IPO7: variants seen among roughly 807,000 people sequenced by gnomAD.
IPO7 encodes the protein importin 7.
In IPO7, 13 loss-of-function variants were observed where a neutral mutation model predicts 136.4. The ratio of observed to expected loss-of-function variants is 0.10; its 90% confidence interval spans 0.06 to 0.15. The LOEUF (loss-of-function observed/expected upper bound fraction) is 0.15, where lower values mean the gene tolerates loss of function less well. Among genes scored for constraint, IPO7 ranks in the 10% least tolerant of loss-of-function variants. The pLI, the probability that IPO7 is intolerant of heterozygous loss-of-function variation, is 1.00. For missense variants in IPO7, 857 were observed against 1,240.6 expected (o/e 0.69, Z 4.65); for synonymous variants, 403 against 404.4 (o/e 1.00, Z 0.04).
In IPO7 at chr11:9,409,929, G is replaced by T. The variant is rs757664836; in HGVS notation, c.322G>T (p.Val108Leu). The T allele has an allele frequency of 1.7e-5, 26 of 1,539,440 alleles. No homozygotes were observed. The highest frequency in any genetic ancestry group is 2.2e-5 in the Non-Finnish European group (25 of 1,147,002). ...AIIHSPELIR[V>L]QLTTCIHHII... ...TTACTGTTTTTTTTTGGCTTCCAGG[G>T]TACAGCTTACTACATGCATTCATCA... Residue 108 changes from valine (V) to leucine (L), a missense_variant and splice_region_variant, in exon 4 of 25, where the codon GTA (valine) becomes TTA (leucine). Physicochemically the swap from Val to Leu is conservative, Grantham distance 32 (BLOSUM62 1). Coordinates refer to ENST00000379719, the MANE Select transcript of IPO7 (RefSeq NM_006391.3).
chr11:9,434,912 C>T (rs1192540226), intron 18 of IPO7, 22 bp from the exon 19 acceptor site: 2 of 1,430,666 alleles, frequency 1.4e-6, no homozygotes, highest in Non-Finnish European at 2.0e-6. Flanking sequence ...AGATGTGTAA[C>T]CGATGTTTTT....
intron 16 of IPO7, among the ~76,000 whole-genome samples, chr11:9,431,801 CCT>C (rs1369796953): frequency 2.6e-5 from 4 of 151,974 alleles, no homozygotes; most frequent in Admixed American, 2.6e-4. Flanking sequence ...TGGTGAAACC[CCT>C]GTCTCTACTA....
At chr11:9,419,004 T>C (rs1385318102) in intron 6 of IPO7, among the ~76,000 whole-genome samples, 3 of 152,252 alleles carry the variant, frequency 2.0e-5, no homozygotes, top group Non-Finnish European at 2.9e-5. Context: ...TTATGTATGT[T>C]GATGGACATC....
rs554044314 is a variant in IPO7 at position 9,406,603 on chromosome 11, G to T, written c.167-1883G>T. Among the ~76,000 whole-genome samples, 8 of 152,226 alleles carry T rather than the reference G, an allele frequency of 5.3e-5. No individual in the cohort carries two copies. The South Asian group carries it at 1.7e-3, about 32-fold the overall frequency. ...TATATACTTGGGGCTGGCCACGGTG[G>T]CTCACACCTGTAATCCCAGCACTTT... On this transcript the variant is annotated intron_variant, in intron 2 of 24. Transcript: ENST00000379719.
chr11:9,421,976 G>C (rs1479207340), intron 8 of IPO7, among the ~76,000 whole-genome samples: 1 of 147,820 alleles, frequency 6.8e-6, no homozygotes, highest in African/African-American at 2.5e-5. Flanking sequence ...TAAGAATATG[G>C]CTGTAAAGAA....
chr11:9,429,651 GT>G, intron 14 of IPO7, 22 bp from the exon 15 acceptor site: 1 of 1,588,668 alleles, frequency 6.3e-7, no homozygotes, highest in Non-Finnish European at 8.5e-7. Context: ...TTTTACGCAA[GT>G]TTTTTACTCT....
rs756337181 is a variant in IPO7, at chr11:9,434,941, G to A, written c.2082G>A (p.Met694Ile). 1 of 1,572,890 alleles carries A rather than the reference G, an allele frequency of 6.4e-7. No homozygotes were observed. Among genetic ancestry groups the A allele is most frequent in the Non-Finnish European group, 8.7e-7 (1 of 1,143,590 alleles). ...TGTTTTTTATTAATACAGATATGAT[G>A]CCCCTCCTTCATAATTATGTAACAG... ...QDGFDYFTDM[M>I]PLLHNYVTVD... The change falls in exon 19 of 25, where the codon ATG becomes ATA. Residue 694 changes from methionine (M) to isoleucine (I), a missense_variant. This residue lies in a region of IPO7 where 190 missense variants were observed against 249.0 expected (regional missense o/e 0.76). Coordinates refer to ENST00000379719, the MANE Select transcript of IPO7 (RefSeq NM_006391.3).
Position 9,384,859 on chromosome 11 carries a change from C to G in IPO7, c.84+12C>G, listed in dbSNP as rs761181802. The stretch of plus-strand genomic sequence containing the variant: ...GCCAGCTCAATGAAGTAAGGACGCC[C>G]GGCTAGCGGTGGCGGCGGGCAGGCG... On this transcript the variant is annotated intron_variant, in intron 1 of 24. Coordinates refer to ENST00000379719, the MANE Select transcript of IPO7 (RefSeq NM_006391.3). 6.9e-6 allele frequency: 11 copies of G among 1,584,744 alleles called. No individual in the cohort carries two copies. Among genetic ancestry groups the G allele is most frequent in the African/African-American group, 4.1e-5 (3 of 73,864 alleles).
intron 1 of IPO7, among the ~76,000 whole-genome samples, chr11:9,400,205 C>T (rs1854773219): frequency 6.6e-6 from 1 of 151,996 alleles, no homozygotes; most frequent in African/African-American, 2.4e-5. Context: ...AAATTTTTTT[C>T]CCCCAAACAT....
intron 6 of IPO7, among the ~76,000 whole-genome samples, chr11:9,420,015 A>G (rs1335137000): frequency 2.0e-5 from 3 of 152,150 alleles, no homozygotes; most frequent in Non-Finnish European, 2.9e-5. Flanking sequence ...TCCAAGTCTA[A>G]CCTTCTACTA....
At chr11:9,412,090 A>G (rs1043015119) in intron 4 of IPO7, among the ~76,000 whole-genome samples, 2 of 152,224 alleles carry the variant, frequency 1.3e-5, no homozygotes, top group Non-Finnish European at 2.9e-5. Context: ...TGTCAACTCA[A>G]AGGTATAGAT....
At chr11:9,415,643 C>T (rs917496142) in intron 5 of IPO7, among the ~76,000 whole-genome samples, 1 of 152,084 alleles carries the variant, frequency 6.6e-6, no homozygotes, top group Non-Finnish European at 1.5e-5. Context: ...TCGAGACCAT[C>T]CTGGCTAACA....
At position 9,433,818 on chromosome 11, in the gene IPO7, T is replaced by C; in HGVS notation, c.2046T>C (p.Phe682=). ...TACTACCCCTTGTATTTGAAGTCTT[T>C]CAGCAAGATGGCTTTGATTACTTTA... The part of the protein sequence containing the change: ...WQLLPLVFEV[F]QQDGFDYFTD... Residue 682 remains phenylalanine, a synonymous_variant, in exon 18 of 25, where the codon TTT becomes TTC. Coordinates refer to ENST00000379719, the MANE Select transcript of IPO7 (RefSeq NM_006391.3). 6.2e-7 allele frequency: 1 copy of C among 1,611,542 alleles called. No individual in the cohort carries two copies. Among genetic ancestry groups the C allele is most frequent in the Non-Finnish European group, 8.5e-7 (1 of 1,179,902 alleles).
chr11:9,441,445 A>G (rs991999186), intron 23 of IPO7, among the ~76,000 whole-genome samples: 4 of 152,238 alleles, frequency 2.6e-5, no homozygotes, highest in Admixed American at 6.5e-5. Context: ...TTGCTGTTAT[A>G]TATCATTTCC....
intron 12 of IPO7, among the ~76,000 whole-genome samples, chr11:9,426,582 A>AT (rs1157821728): frequency 3.3e-5 from 5 of 152,156 alleles, no homozygotes; most frequent in African/African-American, 1.2e-4. Flanking sequence ...CAACGTAGCT[A>AT]TACCATTTTA....
In IPO7 at chr11:9,400,623, T is replaced by C. The variant is rs376282842; in HGVS notation, c.85-2667T>C. Among the ~76,000 whole-genome samples the C allele has an allele frequency of 7.5e-3, 1,136 of 151,936 alleles. 17 individuals carry two copies. The highest frequency in any genetic ancestry group is 0.025 in the African/African-American group (1,056 of 41,478). On this transcript the variant is annotated intron_variant, in intron 1 of 24. Coordinates refer to ENST00000379719, the MANE Select transcript of IPO7 (RefSeq NM_006391.3). The stretch of plus-strand genomic sequence containing the variant: ...ATTTTTAGTACAGACGGGATTTCAC[T>C]GTGTTAGCCAGGATGGTCTCGATCT...
chr11:9,399,652 T>C (rs1854765978), intron 1 of IPO7, among the ~76,000 whole-genome samples: 1 of 152,218 alleles, frequency 6.6e-6, no homozygotes, highest in African/African-American at 2.4e-5. Context: ...GATGAGATCA[T>C]CTGGGGAGAA....
At chr11:9,440,950 G>T (rs1220725869) in intron 23 of IPO7, among the ~76,000 whole-genome samples, 1 of 152,128 alleles carries the variant, frequency 6.6e-6, no homozygotes, top group Admixed American at 6.5e-5. Context: ...CAATCTCCCA[G>T]CTTTCCTCAG....
At chr11:9,434,273 T>C (rs183825835) in intron 18 of IPO7, among the ~76,000 whole-genome samples, 13 of 152,268 alleles carry the variant, frequency 8.5e-5, no homozygotes, top group African/African-American at 3.1e-4. Flanking sequence ...GGAACAATTA[T>C]CAGTAGAAGT....
Sources: gnomAD v4.1 joint callset for allele counts (sites outside exome capture counted in the v4.1 genomes callset) on GRCh38, gnomAD v4.1.1 for gene constraint, gnomAD v4.1.1 regional missense constraint, MANE v1.5 for transcripts, NCBI Gene and HGNC (gene_info 2026-07-23, HGNC 2026-07-21) for gene names.